Variants in BANK1 observed in about 807,000 individuals in gnomAD.
BANK1 encodes B cell scaffold protein with ankyrin repeats 1.
A neutral mutation model predicts 94.5 loss-of-function variants in BANK1; 95 were observed. The observed-to-expected ratio is 1.00, with a 90% CI of 0.85 to 1.19. The LOEUF (loss-of-function observed/expected upper bound fraction) is 1.19, where lower values mean the gene tolerates loss of function less well. BANK1 is among the 50% of genes most tolerant of loss of function. BANK1 has a pLI of 0.00. For synonymous variants in BANK1, 334 were observed against 308.4 expected (o/e 1.08, Z -0.87); for missense variants, 987 against 932.2 (o/e 1.06, Z -0.77).
chr4:101,900,224 C>T (rs12505747), intron 6 of BANK1, among the ~76,000 whole-genome samples: 121,084 of 152,138 alleles, frequency 0.8, 49,147 homozygotes, highest in Non-Finnish European at 0.89. Context: ...TATAGGAAAG[C>T]TCTTCTTCAT....
intron 7 of BANK1, among the ~76,000 whole-genome samples, chr4:102,016,395 G>A (rs950183402): frequency 6.6e-6 from 1 of 151,998 alleles, no homozygotes; most frequent in East Asian, 1.9e-4. Context: ...CATCTCCATA[G>A]CCCTTGCCTG....
At chr4:101,895,552 G>T in intron 6 of BANK1, 142 bp downstream of exon 6, 3 of 533,298 alleles carry the variant, frequency 5.6e-6, no homozygotes, top group Non-Finnish European at 1.0e-5. Context: ...CTGGTGAAAG[G>T]GTACATTAGT....
chr4:101,960,330 A>G (rs1182266420), intron 7 of BANK1, among the ~76,000 whole-genome samples: 1 of 152,156 alleles, frequency 6.6e-6, no homozygotes, highest in African/African-American at 2.4e-5. Context: ...TTACAGTCAT[A>G]TACAAGTTAA....
intron 7 of BANK1, among the ~76,000 whole-genome samples, chr4:101,953,787 AG>A (rs1724250022): frequency 1.3e-5 from 2 of 152,070 alleles, no homozygotes; most frequent in African/African-American, 4.8e-5. Flanking sequence ...TTTTATTGTC[AG>A]TTGATATGTT....
At chr4:102,066,299 C>T (rs1003045298) in intron 13 of BANK1, among the ~76,000 whole-genome samples, 2 of 151,038 alleles carry the variant, frequency 1.3e-5, no homozygotes, top group African/African-American at 4.9e-5. Context: ...CTCTGTCGCC[C>T]AGGCTGGAGT....
At chr4:101,800,502 A>G (rs1329487748) in intron 1 of BANK1, among the ~76,000 whole-genome samples, 1 of 151,914 alleles carries the variant, frequency 6.6e-6, no homozygotes, top group Non-Finnish European at 1.5e-5. Context: ...TACTTTCTAT[A>G]TATCATCCCT....
chr4:101,842,669 C>T (rs987548469), intron 2 of BANK1, among the ~76,000 whole-genome samples: 3 of 152,188 alleles, frequency 2.0e-5, no homozygotes, highest in Admixed American at 6.5e-5. Context: ...CAAGTCTAAT[C>T]TATGTGTTTG....
intron 10 of BANK1, chr4:102,032,209 C>T (rs2148951567): frequency 6.6e-6 from 1 of 152,034 alleles, no homozygotes; most frequent in South Asian, 2.1e-4. Context: ...GAAGAAATAC[C>T]TCATCTTCTA....
At chr4:102,052,113 C>CTTTTTTTTTT (rs199811166) in intron 11 of BANK1, among the ~76,000 whole-genome samples, 15 of 103,990 alleles carry the variant, frequency 1.4e-4, no homozygotes, top group Non-Finnish European at 2.1e-4. Context: ...TTCTTTTTTT[C>CTTTTTTTTTT]TTTTTTTTTT....
intron 7 of BANK1, chr4:101,972,523 C>T (rs766847839): frequency 6.6e-6 from 1 of 152,078 alleles, no homozygotes; most frequent in Non-Finnish European, 1.5e-5. Flanking sequence ...AAGCTGTCCA[C>T]AGTACTAGAA....
chr4:101,855,806 A>G (rs892862949), intron 3 of BANK1, among the ~76,000 whole-genome samples: 1 of 152,222 alleles, frequency 6.6e-6, no homozygotes, highest in Non-Finnish European at 1.5e-5. Context: ...TGGAAATACC[A>G]TAAAAGTTAG....
chr4:101,830,581 G>A (rs1229055738), intron 2 of BANK1, among the ~76,000 whole-genome samples: 1 of 152,164 alleles, frequency 6.6e-6, no homozygotes, highest in African/African-American at 2.4e-5. Context: ...TTACCAGTCA[G>A]TAGCAGTTCA....
intron 6 of BANK1, among the ~76,000 whole-genome samples, chr4:101,904,135 T>G (rs2148894500): frequency 6.6e-6 from 1 of 152,350 alleles, no homozygotes; most frequent in South Asian, 2.1e-4. Context: ...GAATTGTAAA[T>G]GCAAACTGTT....
chr4:101,995,368 C>T (rs1312300930), intron 7 of BANK1, among the ~76,000 whole-genome samples: 1 of 152,124 alleles, frequency 6.6e-6, no homozygotes, highest in Admixed American at 6.5e-5. Flanking sequence ...TGGTTGGTTA[C>T]AAATCTTTGC....
chr4:101,812,618 A>G (rs1725765598), intron 1 of BANK1, among the ~76,000 whole-genome samples: 1 of 152,038 alleles, frequency 6.6e-6, no homozygotes, highest in African/African-American at 2.4e-5. Flanking sequence ...GCATTTTAAT[A>G]GGAGAGAAGA....
intron 8 of BANK1, among the ~76,000 whole-genome samples, chr4:102,022,154 A>T (rs888571330): frequency 2.6e-5 from 4 of 152,070 alleles, no homozygotes; most frequent in African/African-American, 4.8e-5. Flanking sequence ...TCCACCCATT[A>T]TGCCAGGCTT....
chr4:101,909,354 G>C (rs2148896742), intron 6 of BANK1, among the ~76,000 whole-genome samples: 1 of 152,250 alleles, frequency 6.6e-6, no homozygotes, highest in East Asian at 1.9e-4. Context: ...AGAACACTTG[G>C]ACACAGGAAG....
chr4:101,836,682 T>C (rs866422982), intron 2 of BANK1, among the ~76,000 whole-genome samples: 2 of 152,160 alleles, frequency 1.3e-5, no homozygotes, highest in South Asian at 4.1e-4. Flanking sequence ...TTGTCAAGAA[T>C]ACATAACCTC....
At chr4:101,841,488 G>C (rs886554088) in intron 2 of BANK1, among the ~76,000 whole-genome samples, 1 of 151,984 alleles carries the variant, frequency 6.6e-6, no homozygotes, top group African/African-American at 2.4e-5. Flanking sequence ...GCCCAGAGAT[G>C]ATATATTGAC....
Sources: gnomAD v4.1 joint callset for allele counts (sites outside exome capture counted in the v4.1 genomes callset) on GRCh38, gnomAD v4.1.1 for gene constraint, MANE v1.5 for transcripts, NCBI Gene and HGNC (gene_info 2026-07-23, HGNC 2026-07-21) for gene names.